Variants in MRTFA observed in about 807,000 individuals in gnomAD.
MRTFA encodes myocardin-related transcription factor A.
Under a neutral mutation model 83.5 loss-of-function variants are expected in MRTFA, and 20 were observed. That is an observed-to-expected ratio of 0.24 (90% confidence interval 0.17 to 0.35). The LOEUF (loss-of-function observed/expected upper bound fraction) is 0.35. MRTFA is among the 10% of genes least tolerant of loss of function. The pLI is 1.00. For synonymous variants in MRTFA, 659 were observed against 541.2 expected, an observed-to-expected ratio of 1.22 and a Z score of -3.02; for missense variants, 1,200 against 1,224.7, an observed-to-expected ratio of 0.98 and a Z score of 0.30.
At chr22:40,443,472 C>A (rs1166653759) in intron 4 of MRTFA, among the ~76,000 whole-genome samples, 1 of 151,856 alleles carries the variant, frequency 6.6e-6, no homozygotes, top group African/African-American at 2.4e-5. Context: ...AGTTCCCCAC[C>A]CCCTCCCTTT....
At chr22:40,590,599 G>A (rs1049934976) in intron 2 of MRTFA, among the ~76,000 whole-genome samples, 4 of 149,612 alleles carry the variant, frequency 2.7e-5, no homozygotes, top group Admixed American at 2.0e-4. Context: ...CCCAGGAGGC[G>A]GAGGCGGAGG....
At chr22:40,555,533 G>T (rs1281556595) in intron 2 of MRTFA, among the ~76,000 whole-genome samples, 1 of 151,574 alleles carries the variant, frequency 6.6e-6, no homozygotes, top group Admixed American at 6.6e-5. Context: ...CACCATCCTT[G>T]TACAGGCTTG....
At chr22:40,481,337 T>G (rs1315585328) in intron 3 of MRTFA, among the ~76,000 whole-genome samples, 3 of 152,170 alleles carry the variant, frequency 2.0e-5, no homozygotes, top group Non-Finnish European at 4.4e-5. Context: ...GTCAGTTGGC[T>G]CGTTCATTCA....
chr22:40,509,888 G>A (rs1181198464), intron 3 of MRTFA, among the ~76,000 whole-genome samples: 4 of 147,114 alleles, frequency 2.7e-5, no homozygotes, highest in East Asian at 2.0e-4. Context: ...TCTCAATGAC[G>A]CAGGCTCCCT....
intron 3 of MRTFA, among the ~76,000 whole-genome samples, chr22:40,497,773 T>C (rs6001941): frequency 2.3e-4 from 35 of 149,208 alleles, no homozygotes; most frequent in African/African-American, 8.6e-4. Context: ...TCGCATGGGG[T>C]AGTAAATCTT....
chr22:40,551,491 C>T (rs2055443768), intron 3 of MRTFA, among the ~76,000 whole-genome samples: 1 of 152,130 alleles, frequency 6.6e-6, no homozygotes, highest in South Asian at 2.1e-4. Flanking sequence ...CCTCAGACTC[C>T]CCAGTAGCTG....
intron 2 of MRTFA, among the ~76,000 whole-genome samples, chr22:40,565,328 C>T (rs970592477): frequency 6.6e-6 from 1 of 152,170 alleles, no homozygotes; most frequent in African/African-American, 2.4e-5. Context: ...GGGAGGACCA[C>T]TTGAGATCAG....
chr22:40,511,959 T>C (rs541421396), intron 3 of MRTFA, among the ~76,000 whole-genome samples: 1 of 152,346 alleles, frequency 6.6e-6, no homozygotes, highest in South Asian at 2.1e-4. Flanking sequence ...ATTTATTTTA[T>C]GCTTAGGTGA....
At chr22:40,541,721 C>T (rs1883473) in intron 3 of MRTFA, among the ~76,000 whole-genome samples, 47,895 of 152,018 alleles carry the variant, frequency 0.32, 8,271 homozygotes, top group Admixed American at 0.44. Flanking sequence ...GGCTGGAGTG[C>T]AGTGGCGCGG....
chr22:40,567,799 G>GT (rs1423555964), intron 2 of MRTFA, among the ~76,000 whole-genome samples: 7 of 152,178 alleles, frequency 4.6e-5, no homozygotes, highest in Non-Finnish European at 8.8e-5. Context: ...ATAGTATTGT[G>GT]CTTTGTTTTC....
rs1162502008 is a variant in MRTFA, at chr22:40,431,495, C to T, written c.364-15G>A. ...TAGTCCTCTGTCTACAGAAAAAACA[C>T]ACCAAGAAACTCTCAAATCCAGGTC... On this transcript the variant is annotated splice_polypyrimidine_tract_variant and intron_variant, in intron 5 of 14. Transcript: ENST00000355630. 6 of 1,612,688 alleles carry T rather than the reference C, an allele frequency of 3.7e-6. No individual in the cohort carries two copies. The highest frequency in any genetic ancestry group is 1.1e-5 in the South Asian group (1 of 91,052).
chr22:40,475,143 T>C (rs868801971), intron 3 of MRTFA, among the ~76,000 whole-genome samples: 6 of 151,930 alleles, frequency 3.9e-5, no homozygotes, highest in Non-Finnish European at 5.9e-5. Context: ...CCAGCCAACA[T>C]TGTAATTATT....
At chr22:40,542,594 A>G (rs1047829584) in intron 3 of MRTFA, among the ~76,000 whole-genome samples, 2 of 152,252 alleles carry the variant, frequency 1.3e-5, no homozygotes, top group Admixed American at 6.5e-5. Flanking sequence ...AAATTATTTA[A>G]GCCAATATTT....
chr22:40,429,405 C>A, intron 7 of MRTFA: 1 of 707,788 alleles, frequency 1.4e-6, no homozygotes. Context: ...GTCCCTGTTT[C>A]TTAAAGCAAC....
At chr22:40,459,830 C>CATATATACATATATAT (rs1555973837) in intron 4 of MRTFA, among the ~76,000 whole-genome samples, 3 of 86,944 alleles carry the variant, frequency 3.5e-5, no homozygotes, top group East Asian at 3.3e-4. Flanking sequence ...CACATATATA[C>CATATATACATATATAT]ATATATATAT....
chr22:40,482,595 T>C (rs997528973), intron 3 of MRTFA, among the ~76,000 whole-genome samples: 2 of 152,180 alleles, frequency 1.3e-5, no homozygotes, highest in Non-Finnish European at 2.9e-5. Flanking sequence ...TTAGCACTTT[T>C]AGGTAGGGCC....
At chr22:40,431,976 T>C (rs568592345) in intron 5 of MRTFA, among the ~76,000 whole-genome samples, 1 of 152,220 alleles carries the variant, frequency 6.6e-6, no homozygotes, top group African/African-American at 2.4e-5. Flanking sequence ...CCAGGCACGG[T>C]GGCTCAAGCC....
intron 3 of MRTFA, among the ~76,000 whole-genome samples, chr22:40,487,634 A>T (rs2054194560): frequency 6.6e-6 from 1 of 152,324 alleles, no homozygotes; most frequent in South Asian, 2.1e-4. Flanking sequence ...TCTCAGAAAG[A>T]ATCTCACTAT....
At chr22:40,611,010 T>C (rs1210003378) in intron 1 of MRTFA, among the ~76,000 whole-genome samples, 1 of 147,920 alleles carries the variant, frequency 6.8e-6, no homozygotes, top group Admixed American at 6.8e-5. Context: ...CCATCTCGGC[T>C]CACTGCAACC....
Sources: gnomAD v4.1 joint callset for allele counts (sites outside exome capture counted in the v4.1 genomes callset) on GRCh38, gnomAD v4.1.1 for gene constraint, MANE v1.5 for transcripts, NCBI Gene and HGNC (gene_info 2026-07-23, HGNC 2026-07-21) for gene names.